ARL15: variants seen among roughly 807,000 people sequenced by gnomAD.
The protein encoded by ARL15 is ADP-ribosylation factor-like protein 15.
Under a neutral mutation model 25.2 loss-of-function variants are expected in ARL15, and 19 were observed. The observed-to-expected ratio is 0.75, with a 90% CI of 0.53 to 1.10. The LOEUF (loss-of-function observed/expected upper bound fraction) is 1.10. Among genes scored for constraint, ARL15 ranks in the 50% least tolerant of loss-of-function variants. The pLI is 0.00. For synonymous variants in ARL15, 94 were observed against 86.8 expected (o/e 1.08, Z -0.46); for missense variants, 220 against 246.0 (o/e 0.89, Z 0.71).
chr5:54,300,954 C>A (rs1463541636), intron 1 of ARL15, among the ~76,000 whole-genome samples: 3 of 152,212 alleles, frequency 2.0e-5, no homozygotes, highest in African/African-American at 4.8e-5. Context: ...CCCCTGAAGT[C>A]CCTTGAAGTC....
intron 4 of ARL15, among the ~76,000 whole-genome samples, chr5:53,907,484 ATATATTTTTTTTTT>A (rs1745300551): frequency 7.6e-5 from 2 of 26,398 alleles, no homozygotes; most frequent in Non-Finnish European, 1.3e-4. Flanking sequence ...ATATATATAT[ATATATTTTTTTTTT>A]TTTTTTTTTT....
At chr5:54,021,109 G>A (rs1432285742) in intron 4 of ARL15, among the ~76,000 whole-genome samples, 2 of 152,186 alleles carry the variant, frequency 1.3e-5, no homozygotes, top group Non-Finnish European at 2.9e-5. Context: ...GCCGAGGTGG[G>A]CAGATAACCT....
intron 4 of ARL15, among the ~76,000 whole-genome samples, chr5:54,093,204 C>T (rs1427372109): frequency 6.6e-6 from 1 of 152,162 alleles, no homozygotes; most frequent in Non-Finnish European, 1.5e-5. Context: ...ATGTAGAGTG[C>T]TCACAGAAGT....
chr5:54,047,130 C>A (rs1750547018), intron 4 of ARL15, among the ~76,000 whole-genome samples: 1 of 152,092 alleles, frequency 6.6e-6, no homozygotes, highest in South Asian at 2.1e-4. Context: ...AGTGCTCTTG[C>A]TGGTGGGGAC....
chr5:54,185,567 A>G (rs1755213224), intron 1 of ARL15, among the ~76,000 whole-genome samples: 1 of 152,178 alleles, frequency 6.6e-6, no homozygotes. Flanking sequence ...CTCCCCAGTG[A>G]TGTGCGTGGC....
intron 4 of ARL15, among the ~76,000 whole-genome samples, chr5:54,036,648 T>G (rs186978616): frequency 7.2e-5 from 11 of 152,190 alleles, no homozygotes; most frequent in African/African-American, 2.7e-4. Context: ...TGTCAGATAC[T>G]TAATGTGGCA....
At chr5:54,141,254 TTTC>T (rs1178324428) in intron 3 of ARL15, among the ~76,000 whole-genome samples, 3 of 152,200 alleles carry the variant, frequency 2.0e-5, no homozygotes, top group African/African-American at 7.2e-5. Flanking sequence ...GATTTGATAA[TTTC>T]TTTATCTTAG....
At chr5:54,010,667 T>C (rs1036028199) in intron 4 of ARL15, among the ~76,000 whole-genome samples, 1 of 152,166 alleles carries the variant, frequency 6.6e-6, no homozygotes, top group Non-Finnish European at 1.5e-5. Context: ...TATCGCATTA[T>C]TTTATTGATC....
At chr5:54,264,845 T>C (rs1400104645) in intron 1 of ARL15, among the ~76,000 whole-genome samples, 1 of 152,192 alleles carries the variant, frequency 6.6e-6, no homozygotes, top group African/African-American at 2.4e-5. Flanking sequence ...ACAACCCCTT[T>C]ATCATGTGCT....
At chr5:54,227,326 T>C (rs1403326506) in intron 1 of ARL15, among the ~76,000 whole-genome samples, 2 of 152,210 alleles carry the variant, frequency 1.3e-5, no homozygotes, top group African/African-American at 2.4e-5. Context: ...CACATCCTCC[T>C]GCAGCAAGCA....
At chr5:54,071,607 C>T (rs568602627) in intron 4 of ARL15, among the ~76,000 whole-genome samples, 1 of 146,556 alleles carries the variant, frequency 6.8e-6, no homozygotes, top group Admixed American at 7.1e-5. Context: ...TGTTCAGAAG[C>T]ACTTTTTGGT....
At chr5:54,123,317 G>T (rs1162815515) in intron 3 of ARL15, among the ~76,000 whole-genome samples, 1 of 152,056 alleles carries the variant, frequency 6.6e-6, no homozygotes, top group African/African-American at 2.4e-5. Flanking sequence ...CACCATGTTG[G>T]CCAGGATGGT....
intron 1 of ARL15, among the ~76,000 whole-genome samples, chr5:54,291,219 C>T (rs778934968): frequency 1.3e-5 from 2 of 152,102 alleles, no homozygotes; most frequent in African/African-American, 2.4e-5. Flanking sequence ...ACTCATCCAC[C>T]CTGAACTTCA....
intron 4 of ARL15, among the ~76,000 whole-genome samples, chr5:53,901,402 A>G (rs1235414604): frequency 6.6e-6 from 1 of 152,172 alleles, no homozygotes; most frequent in Non-Finnish European, 1.5e-5. Flanking sequence ...TCCTACCTAT[A>G]TGTCTGTAAG....
intron 4 of ARL15, chr5:54,067,152 T>C (rs1409738362): frequency 6.5e-6 from 1 of 152,686 alleles, no homozygotes; most frequent in African/African-American, 2.4e-5. Context: ...AAAATATTTT[T>C]TCTCACTCCT....
intron 4 of ARL15, among the ~76,000 whole-genome samples, chr5:53,970,875 CAA>C (rs1371381573): frequency 6.6e-6 from 1 of 152,096 alleles, no homozygotes; most frequent in Non-Finnish European, 1.5e-5. Flanking sequence ...TGGCTAGTGC[CAA>C]GAGACATTTA....
chr5:54,270,952 AAC>A (rs979646098), intron 1 of ARL15, among the ~76,000 whole-genome samples: 1 of 152,190 alleles, frequency 6.6e-6, no homozygotes, highest in African/African-American at 2.4e-5. Context: ...ACAGTAAAGA[AAC>A]AGGAAAAAGG....
intron 4 of ARL15, among the ~76,000 whole-genome samples, chr5:53,988,786 C>T (rs1420193337): frequency 1.3e-5 from 2 of 152,142 alleles, no homozygotes; most frequent in Admixed American, 1.3e-4. Flanking sequence ...AGAGGTGCTG[C>T]CGATAGATGA....
chr5:54,027,325 C>T (rs984612093), intron 4 of ARL15, among the ~76,000 whole-genome samples: 8 of 152,196 alleles, frequency 5.3e-5, no homozygotes, highest in African/African-American at 1.7e-4. Flanking sequence ...TACATCAAGT[C>T]TTGTCTTAAC....
Sources: allele counts gnomAD v4.1 joint callset (sites outside exome capture counted in the v4.1 genomes callset), GRCh38; gene constraint gnomAD v4.1.1; transcripts MANE v1.5; gene names NCBI Gene and HGNC (gene_info 2026-07-23, HGNC 2026-07-21).